NR3C1: variants seen among roughly 807,000 people sequenced by gnomAD.
NR3C1 encodes nuclear receptor subfamily 3 group C member 1, also known as glucocorticoid receptor.
NR3C1 carries 14 observed loss-of-function variants against 74.0 expected under a neutral mutation model. The ratio of observed to expected loss-of-function variants is 0.19; its 90% confidence interval spans 0.12 to 0.30. The LOEUF (loss-of-function observed/expected upper bound fraction) is 0.30, where lower values mean the gene tolerates loss of function less well. Among genes scored for constraint, NR3C1 ranks in the 10% least tolerant of loss-of-function variants. The pLI, the probability that NR3C1 is intolerant of heterozygous loss-of-function variation, is 1.00. For missense variants in NR3C1, 695 were observed against 909.8 expected (o/e 0.76, Z 3.04); for synonymous variants, 308 against 332.5 (o/e 0.93, Z 0.80).
In NR3C1 at chr5:143,428,934, C is replaced by T. The variant is rs1251593264; in HGVS notation, c.-14+5598G>A. 3.9e-5 allele frequency among the ~76,000 whole-genome samples: 6 copies of T among 152,142 alleles called. No individual in the cohort carries two copies. The South Asian group carries it at 6.2e-4, about 16-fold the overall frequency. ...GGGCACACATTTTGAAAAGGGCTGA[C>T]TTTGCTAATTTGACTTGGCATTTTG... On this transcript the variant is annotated intron_variant, in intron 1 of 8. Coordinates refer to the NR3C1 transcript ENST00000343796.
intron 2 of NR3C1, among the ~76,000 whole-genome samples, chr5:143,394,913 C>T (rs1288965291): frequency 6.6e-6 from 1 of 151,860 alleles, no homozygotes; most frequent in Non-Finnish European, 1.5e-5. Flanking sequence ...TGTTGCTCCT[C>T]CCTCTTCACC....
At chr5:143,427,551 G>A (rs1174153265) in intron 1 of NR3C1, among the ~76,000 whole-genome samples, 1 of 152,176 alleles carries the variant, frequency 6.6e-6, no homozygotes, top group Admixed American at 6.5e-5. Context: ...TCCCATCCTA[G>A]TGGGAAGGCC....
intron 2 of NR3C1, among the ~76,000 whole-genome samples, chr5:143,348,068 T>C (rs779725369): frequency 2.1e-4 from 32 of 152,196 alleles, no homozygotes; most frequent in Non-Finnish European, 4.3e-4. Context: ...TTCTTCAGTA[T>C]TCATCTCAGC....
At chr5:143,392,216 C>T (rs559739108) in intron 2 of NR3C1, among the ~76,000 whole-genome samples, 89 of 152,256 alleles carry the variant, frequency 5.8e-4, no homozygotes, top group Middle Eastern at 3.4e-3. Context: ...CTGCCCGCCT[C>T]GGCCTCCCAA....
Position 143,298,749 on chromosome 5 carries a change from A to G in NR3C1, c.1811T>C (p.Met604Thr). ...TLLQYSWMFL[M>T]AFALGWRSYR... is the part of the protein sequence containing the mutation. ...TGATCTCCACCCCAGAGCAAATGCC[A>G]TAAGAAACATCCAGGAGTACTGCAG... The change falls in exon 6 of 9, where the codon ATG becomes ACG. Residue 604 changes from methionine to threonine, a missense_variant. Transcript: ENST00000394464. The G allele has an allele frequency of 1.2e-6, 2 of 1,613,990 alleles. No individual in the cohort carries two copies. The highest frequency in any genetic ancestry group is 8.5e-7 in the Non-Finnish European group (1 of 1,179,926).
At chr5:143,338,143 G>C (rs991705356) in intron 2 of NR3C1, among the ~76,000 whole-genome samples, 4 of 152,280 alleles carry the variant, frequency 2.6e-5, no homozygotes, top group South Asian at 2.1e-4. Flanking sequence ...CTGCAGCTGT[G>C]CATTGTAATA....
chr5:143,357,237 G>A lies in NR3C1; in HGVS notation c.1184+42419C>T, dbSNP rs553616125. Among the ~76,000 whole-genome samples, 5 of 151,444 alleles carry A rather than the reference G, an allele frequency of 3.3e-5. No individual in the cohort carries two copies. The South Asian group carries it at 6.3e-4, about 19-fold the overall frequency. The stretch of plus-strand genomic sequence containing the variant: ...AGCTTGAAAAAAGATTATGCACAAA[G>A]AAAATTCAAATTTAGATTGATACTT... On this transcript the variant is annotated intron_variant, in intron 2 of 8. Transcript: ENST00000394464.
intron 7 of NR3C1, among the ~76,000 whole-genome samples, chr5:143,287,129 A>C (rs1382108008): frequency 6.6e-6 from 1 of 152,102 alleles, no homozygotes; most frequent in African/African-American, 2.4e-5. Context: ...TTCTACCTTA[A>C]ACTAGAAAAA....
intron 2 of NR3C1, 99 bp downstream of exon 2, chr5:143,399,557 A>G: frequency 1.0e-6 from 1 of 980,758 alleles, no homozygotes; most frequent in Non-Finnish European, 1.6e-6. Flanking sequence ...AAAAAAGCAC[A>G]TGAATCTTTA....
intron 8 of NR3C1, 46 bp from the exon 9 acceptor site, chr5:143,282,087 T>C (rs925045072): frequency 6.2e-7 from 1 of 1,604,704 alleles, no homozygotes; most frequent in East Asian, 2.2e-5. Flanking sequence ...AATTGGTCAG[T>C]GGGAACATCT....
At chr5:143,397,458 A>G (rs544703105) in intron 2 of NR3C1, among the ~76,000 whole-genome samples, 1 of 152,052 alleles carries the variant, frequency 6.6e-6, no homozygotes, top group African/African-American at 2.4e-5. Context: ...GTTTGGAAAC[A>G]ATAGACTAAT....
upstream of NR3C1, chr5:143,405,114 G>T (rs1252779755): frequency 1.0e-6 from 1 of 985,466 alleles, no homozygotes; most frequent in Non-Finnish European, 1.2e-6. Flanking sequence ...CGCCGCGTCG[G>T]GAAGGCTTGG....
intron 2 of NR3C1, among the ~76,000 whole-genome samples, chr5:143,339,776 T>G (rs1827848468): frequency 6.6e-6 from 1 of 152,160 alleles, no homozygotes; most frequent in Admixed American, 6.5e-5. Flanking sequence ...TAGAAATATC[T>G]TAAAAACAAA....
intron 7 of NR3C1, chr5:143,295,205 TAC>T (rs1816907653): frequency 1.0e-6 from 1 of 985,282 alleles, no homozygotes; most frequent in African/African-American, 1.7e-5. Flanking sequence ...GAAAAAAGTC[TAC>T]ACAGATTCTT....
chr5:143,386,971 A>C (rs537515143), intron 2 of NR3C1, among the ~76,000 whole-genome samples: 1 of 152,236 alleles, frequency 6.6e-6, no homozygotes, highest in African/African-American at 2.4e-5. Context: ...ACATTTTTTG[A>C]TCAGGGGAAT....
At chr5:143,402,753 G>C (rs983424592) in intron 1 of NR3C1, 13 of 985,370 alleles carry the variant, frequency 1.3e-5, no homozygotes, top group Non-Finnish European at 1.6e-5. Flanking sequence ...GGCCTCCCCG[G>C]AGCCCGGGCT....
chr5:143,391,053 C>T (rs1255533054), intron 2 of NR3C1, among the ~76,000 whole-genome samples: 1 of 151,914 alleles, frequency 6.6e-6, no homozygotes, highest in Admixed American at 6.5e-5. Flanking sequence ...AAAAAAAAAA[C>T]TCAATCTATT....
chr5:143,342,973 T>C (rs555453437), intron 2 of NR3C1, among the ~76,000 whole-genome samples: 10 of 152,282 alleles, frequency 6.6e-5, no homozygotes, highest in East Asian at 1.9e-4. Flanking sequence ...ACCCAGAGTA[T>C]AGCTCTTTTA....
At chr5:143,387,940 C>T (rs1395741305) in intron 2 of NR3C1, among the ~76,000 whole-genome samples, 15 of 152,148 alleles carry the variant, frequency 9.9e-5, no homozygotes, top group Admixed American at 9.8e-4. Context: ...TAAGTCAGTA[C>T]AAACATATAC....
Sources: allele counts gnomAD v4.1 joint callset (sites outside exome capture counted in the v4.1 genomes callset), GRCh38; gene constraint gnomAD v4.1.1; transcripts MANE v1.5; gene names NCBI Gene and HGNC (gene_info 2026-07-23, HGNC 2026-07-21).